Variants in ARHGEF12 observed in about 807,000 individuals in gnomAD.
ARHGEF12 encodes Rho guanine nucleotide exchange factor 12.
ARHGEF12 carries 66 observed loss-of-function variants against 211.2 expected under a neutral mutation model. The observed-to-expected ratio is 0.31, with a 90% CI of 0.26 to 0.38. ARHGEF12 has a LOEUF of 0.38. Among genes scored for constraint, ARHGEF12 ranks in the 10% least tolerant of loss-of-function variants. The pLI is 1.00. For synonymous variants in ARHGEF12, 592 were observed against 638.4 expected (o/e 0.93, Z 1.09); for missense variants, 1,429 against 1,869.5 (o/e 0.76, Z 4.34).
At chr11:120,419,760 G>A (rs539776291) in intron 4 of ARHGEF12, among the ~76,000 whole-genome samples, 7 of 152,068 alleles carry the variant, frequency 4.6e-5, no homozygotes, top group African/African-American at 2.4e-5. Flanking sequence ...TTAAAAGATT[G>A]TGGCTTTTTG....
intron 1 of ARHGEF12, among the ~76,000 whole-genome samples, chr11:120,338,508 CTT>C (rs973188150): frequency 6.6e-6 from 1 of 152,174 alleles, no homozygotes; most frequent in African/African-American, 2.4e-5. Flanking sequence ...TATATTTACT[CTT>C]TGTGTATTTT....
chr11:120,467,112 A>G, intron 28 of ARHGEF12, 82 bp from the exon 29 acceptor site: 1 of 858,946 alleles, frequency 1.2e-6, no homozygotes. Context: ...ACTGTGATGC[A>G]TTAAACCCTC....
intron 4 of ARHGEF12, among the ~76,000 whole-genome samples, chr11:120,418,378 T>A (rs1429528993): frequency 1.3e-5 from 2 of 152,222 alleles, no homozygotes; most frequent in Non-Finnish European, 2.9e-5. Flanking sequence ...TTCATCCATG[T>A]TTGTTGTATG....
intron 17 of ARHGEF12, 69 bp from the exon 18 acceptor site, chr11:120,446,879 G>A (rs1946063062): frequency 7.1e-6 from 11 of 1,551,768 alleles, no homozygotes; most frequent in African/African-American, 1.4e-5. Flanking sequence ...TGAAGACTGT[G>A]ATGAAGCGTC....
intron 1 of ARHGEF12, among the ~76,000 whole-genome samples, chr11:120,389,224 G>A (rs942218606): frequency 6.6e-6 from 1 of 152,122 alleles, no homozygotes; most frequent in African/African-American, 2.4e-5. Flanking sequence ...CCTGTGGCTT[G>A]TATTTTCATT....
chr11:120,338,016 C>G, intron 1 of ARHGEF12: 1 of 622,252 alleles, frequency 1.6e-6, no homozygotes, highest in Non-Finnish European at 2.0e-6. Flanking sequence ...ATAGCACCTA[C>G]CAGTGTTGCA....
chr11:120,464,327 C>T, intron 27 of ARHGEF12: 1 of 152,134 alleles, frequency 6.6e-6, no homozygotes, highest in Admixed American at 6.5e-5. Flanking sequence ...GCCCATAATC[C>T]CAGCACTTTG....
At position 120,431,815 on chromosome 11, in the gene ARHGEF12, A is replaced by T; in HGVS notation, c.828A>T (p.Leu276=). 6.2e-7 allele frequency: 1 copy of T among 1,613,996 alleles called. No homozygotes were observed. Among genetic ancestry groups the T allele is most frequent in the Non-Finnish European group, 8.5e-7 (1 of 1,179,914 alleles). ...CCTCCAGACCTTTAGGGGACACCCT[A>T]ACAGTCAGTGAGGCAGAAACAGATC... The part of the protein sequence containing the change: ...VTPSRPLGDT[L]TVSEAETDPG... The change falls in exon 11 of 41, where the codon CTA becomes CTT. Residue 276 remains leucine (L), a synonymous_variant. Transcript: ENST00000397843.
chr11:120,455,364 A>G (rs80177211), intron 22 of ARHGEF12, among the ~76,000 whole-genome samples: 2 of 152,196 alleles, frequency 1.3e-5, no homozygotes, highest in Admixed American at 1.3e-4. Flanking sequence ...AGGAAAAAAA[A>G]TGGGGATTAC....
Position 120,447,000 on chromosome 11 carries a change from G to C in ARHGEF12, c.1504G>C (p.Asp502His), listed in dbSNP as rs751365432. Residue 502 changes from aspartate to histidine, a missense_variant, in exon 18 of 41, where the codon GAT becomes CAT. Transcript: ENST00000397843. ...TLAESELTKLDAERDKDRLTL... is the reference protein window; with the variant it reads ...TLAESELTKLHAERDKDRLTL... ...GGCTGAAAGCGAGCTGACTAAACTTGATGCAGAGCGAGACAAGGACCGATT... is the reference window on the plus strand; with the variant it reads ...GGCTGAAAGCGAGCTGACTAAACTTCATGCAGAGCGAGACAAGGACCGATT... 4 of 1,614,214 alleles carry C rather than the reference G, an allele frequency of 2.5e-6. 1 individual carries two copies. In the South Asian group the frequency reaches 4.4e-5, roughly 18 times the overall value.
chr11:120,431,499 T>C (rs12291720), intron 10 of ARHGEF12, among the ~76,000 whole-genome samples: 3 of 152,170 alleles, frequency 2.0e-5, no homozygotes, highest in Non-Finnish European at 4.4e-5. Context: ...AACCATTTTA[T>C]CTTTTTGCTA....
chr11:120,391,734 A>G (rs1944223867), intron 1 of ARHGEF12, among the ~76,000 whole-genome samples: 1 of 152,242 alleles, frequency 6.6e-6, no homozygotes, highest in Non-Finnish European at 1.5e-5. Context: ...TAGAGAAATT[A>G]GGATAGAAAG....
rs1437784491 is a variant in ARHGEF12, at chr11:120,489,687, A to G, written c.*4610A>G. On this transcript the variant is annotated 3_prime_UTR_variant, in exon 41 of 41. Transcript: ENST00000397843. ...GGCTGACGGAGCTAATAAGCGTAAT[A>G]AAATGCTTAGTAGTTTATACCATCT... The G allele has an allele frequency of 2.9e-5, 6 of 207,822 alleles. No individual in the cohort carries two copies. Among genetic ancestry groups the G allele is most frequent in the African/African-American group, 1.4e-4 (6 of 43,986 alleles). 12.9% of individuals were successfully genotyped at this position (207,822 alleles called of 1,614,324 possible).
At chr11:120,459,974 G>A (rs1328335963) in intron 26 of ARHGEF12, among the ~76,000 whole-genome samples, 4 of 152,198 alleles carry the variant, frequency 2.6e-5, no homozygotes, top group Admixed American at 2.6e-4. Context: ...GGCCTCCAAA[G>A]TGCTGGGATT....
intron 3 of ARHGEF12, chr11:120,408,198 C>T (rs1284607861): frequency 6.2e-6 from 1 of 162,030 alleles, no homozygotes; most frequent in African/African-American, 2.4e-5. Context: ...GCGTAGTCAT[C>T]TAAAAATTCA....
chr11:120,384,878 AT>A (rs36027339), intron 1 of ARHGEF12, among the ~76,000 whole-genome samples: 31,722 of 137,502 alleles, frequency 0.23, 3,275 homozygotes, highest in African/African-American at 0.35. Flanking sequence ...ACAAAAGGAG[AT>A]TTTTTTTTTT....
At chr11:120,479,811 T>G (rs966839358) in intron 37 of ARHGEF12, 149 bp from the exon 38 acceptor site, 1 of 646,204 alleles carries the variant, frequency 1.5e-6, no homozygotes, top group Non-Finnish European at 2.6e-6. Context: ...GTAAGATGAT[T>G]GTATGAAATT....
At chr11:120,376,527 G>C (rs191432046) in intron 1 of ARHGEF12, among the ~76,000 whole-genome samples, 1 of 151,830 alleles carries the variant, frequency 6.6e-6, no homozygotes, top group African/African-American at 2.4e-5. Flanking sequence ...ATTTTTATGG[G>C]CATAAGTATT....
intron 22 of ARHGEF12, among the ~76,000 whole-genome samples, chr11:120,452,170 A>G (rs1946232698): frequency 6.6e-6 from 1 of 152,178 alleles, no homozygotes; most frequent in Non-Finnish European, 1.5e-5. Flanking sequence ...TTATTTTTCA[A>G]TGTTAATAGG....
Sources: allele counts gnomAD v4.1 joint callset (sites outside exome capture counted in the v4.1 genomes callset), GRCh38; gene constraint gnomAD v4.1.1; transcripts MANE v1.5; gene names NCBI Gene and HGNC (gene_info 2026-07-23, HGNC 2026-07-21).